Variants in HS6ST3 observed in about 807,000 individuals in gnomAD.
HS6ST3 encodes heparan sulfate 6-O-sulfotransferase 3.
HS6ST3 carries 12 observed loss-of-function variants against 36.7 expected under a neutral mutation model. The observed-to-expected ratio is 0.33, with a 90% confidence interval of 0.21 to 0.53. HS6ST3 has a LOEUF of 0.53. HS6ST3 is among the 20% of genes least tolerant of loss of function. The pLI is 0.95. For missense variants in HS6ST3, 584 were observed against 640.9 expected (o/e 0.91, Z 0.96); for synonymous variants, 240 against 257.5 (o/e 0.93, Z 0.65).
intron 1 of HS6ST3, among the ~76,000 whole-genome samples, chr13:96,694,040 C>T (rs528625076): frequency 6.6e-6 from 1 of 152,196 alleles, no homozygotes; most frequent in African/African-American, 2.4e-5. Flanking sequence ...ATTTTAAATT[C>T]AGGGGTACAT....
At chr13:96,345,517 C>T (rs530973240) in intron 1 of HS6ST3, among the ~76,000 whole-genome samples, 1 of 152,296 alleles carries the variant, frequency 6.6e-6, no homozygotes, top group East Asian at 1.9e-4. Context: ...AATCCATTTA[C>T]TCCCCACTCA....
intron 1 of HS6ST3, among the ~76,000 whole-genome samples, chr13:96,497,963 C>T (rs2055985376): frequency 1.3e-5 from 2 of 152,160 alleles, no homozygotes; most frequent in Admixed American, 1.3e-4. Flanking sequence ...GGGAGAGAAT[C>T]ACAGAGTGAT....
intron 1 of HS6ST3, among the ~76,000 whole-genome samples, chr13:96,827,629 C>G (rs1024249452): frequency 6.6e-6 from 1 of 152,120 alleles, no homozygotes; most frequent in African/African-American, 2.4e-5. Context: ...GATGTCAGAG[C>G]AGAGGTAGTT....
chr13:96,819,238 C>T (rs181968750), intron 1 of HS6ST3, among the ~76,000 whole-genome samples: 1 of 152,184 alleles, frequency 6.6e-6, no homozygotes, highest in East Asian at 1.9e-4. Flanking sequence ...TTTTGCAACC[C>T]CCTTCTGGAT....
chr13:96,829,538 G>T (rs1878726911), intron 1 of HS6ST3, among the ~76,000 whole-genome samples: 1 of 152,008 alleles, frequency 6.6e-6, no homozygotes, highest in South Asian at 2.1e-4. Context: ...GTGTCCATGT[G>T]TTCTCATCAT....
intron 1 of HS6ST3, among the ~76,000 whole-genome samples, chr13:96,126,768 C>G (rs952861163): frequency 6.6e-6 from 1 of 152,166 alleles, no homozygotes; most frequent in Non-Finnish European, 1.5e-5. Context: ...GCTCCACAAC[C>G]CTGTTGGAGG....
intron 1 of HS6ST3, among the ~76,000 whole-genome samples, chr13:96,291,946 T>C (rs1267014468): frequency 6.6e-6 from 1 of 152,200 alleles, no homozygotes; most frequent in Non-Finnish European, 1.5e-5. Flanking sequence ...GTCAAACTCG[T>C]GTTCCATAGA....
intron 1 of HS6ST3, among the ~76,000 whole-genome samples, chr13:96,171,166 G>GA (rs2054185968): frequency 6.6e-6 from 1 of 152,154 alleles, no homozygotes. Context: ...ATTAAAAGGT[G>GA]AATATTATTT....
At chr13:96,096,169 G>C (rs2053789900) in intron 1 of HS6ST3, among the ~76,000 whole-genome samples, 1 of 152,146 alleles carries the variant, frequency 6.6e-6, no homozygotes, top group African/African-American at 2.4e-5. Flanking sequence ...AAAATAAGGT[G>C]AGACATAAAA....
intron 1 of HS6ST3, among the ~76,000 whole-genome samples, chr13:96,296,768 T>C (rs1206116174): frequency 1.3e-5 from 2 of 152,152 alleles, no homozygotes; most frequent in African/African-American, 2.4e-5. Flanking sequence ...AGAAAATGTC[T>C]TTTAAACCTT....
At chr13:96,218,443 G>C (rs751349143) in intron 1 of HS6ST3, among the ~76,000 whole-genome samples, 2 of 152,180 alleles carry the variant, frequency 1.3e-5, no homozygotes, top group Non-Finnish European at 2.9e-5. Flanking sequence ...GGAGGGGCAG[G>C]GGAAGAGATC....
intron 1 of HS6ST3, among the ~76,000 whole-genome samples, chr13:96,807,815 G>A (rs893511312): frequency 8.0e-5 from 12 of 149,708 alleles, no homozygotes; most frequent in African/African-American, 2.7e-4. Flanking sequence ...GCAGTGAGCC[G>A]AGATGGTGCC....
chr13:96,404,969 C>T (rs552243052), intron 1 of HS6ST3, among the ~76,000 whole-genome samples: 9 of 152,248 alleles, frequency 5.9e-5, no homozygotes, highest in African/African-American at 1.7e-4. Context: ...GTTTTAAAAA[C>T]GGGAGTTTCT....
chr13:96,644,010 C>T (rs1315568486), intron 1 of HS6ST3, among the ~76,000 whole-genome samples: 1 of 151,792 alleles, frequency 6.6e-6, no homozygotes, highest in East Asian at 1.9e-4. Context: ...ACATTTTTTG[C>T]CATTATTTTC....
At position 96,183,977 on chromosome 13, in the gene HS6ST3, C is replaced by T. The variant is rs113792798; in HGVS notation, c.707+92408C>T. On this transcript the variant is annotated intron_variant, in intron 1 of 1. Coordinates refer to ENST00000376705, the MANE Select transcript of HS6ST3 (RefSeq NM_153456.4). ...CAGCACTTTGGGAGGCTGAGGTGGG[C>T]GGATCATGAGGTCAAGAGATGGAGA... Among the ~76,000 whole-genome samples the T allele has an allele frequency of 3.9e-3, 597 of 151,712 alleles. 3 individuals are homozygous for T. The highest frequency in any genetic ancestry group is 6.8e-3 in the Admixed American group (104 of 15,234).
chr13:96,309,686 G>T (rs1322653313), intron 1 of HS6ST3, among the ~76,000 whole-genome samples: 1 of 151,956 alleles, frequency 6.6e-6, no homozygotes, highest in African/African-American at 2.4e-5. Context: ...AGTTGTTTTG[G>T]CAAAAAGTCC....
chr13:96,431,452 C>T (rs1184812922), intron 1 of HS6ST3, among the ~76,000 whole-genome samples: 1 of 152,176 alleles, frequency 6.6e-6, no homozygotes, highest in Non-Finnish European at 1.5e-5. Context: ...TTTAACCTTT[C>T]CCTCCCAAGG....
At chr13:96,470,583 C>T (rs1344571567) in intron 1 of HS6ST3, among the ~76,000 whole-genome samples, 2 of 152,118 alleles carry the variant, frequency 1.3e-5, no homozygotes, top group Non-Finnish European at 2.9e-5. Flanking sequence ...CCTGTGTATA[C>T]GCCTCCCCAC....
Position 96,199,878 on chromosome 13 carries a change from G to T in HS6ST3, c.707+108309G>T, listed in dbSNP as rs187468483. Among the ~76,000 whole-genome samples the T allele has an allele frequency of 2.4e-4, 37 of 151,778 alleles. 1 individual carries two copies. Among genetic ancestry groups the T allele is most frequent in the Admixed American group, 2.4e-3 (37 of 15,226 alleles). On this transcript the variant is annotated intron_variant, in intron 1 of 1. Coordinates refer to ENST00000376705, the MANE Select transcript of HS6ST3 (RefSeq NM_153456.4). ...ATTTTTTTTTTTATATAGCTTTCTA[G>T]CAGGCCAAATGAGAATAAGATTAAA...
Sources: allele counts gnomAD v4.1 joint callset (sites outside exome capture counted in the v4.1 genomes callset), GRCh38; gene constraint gnomAD v4.1.1; transcripts MANE v1.5; gene names NCBI Gene and HGNC (gene_info 2026-07-23, HGNC 2026-07-21).